The following ATXN1 variants were observed in gnomAD, a reference collection of about 807,000 sequenced individuals.
ATXN1 encodes the protein ataxin 1, also known as ataxin-1.
Under a neutral mutation model 56.4 loss-of-function variants are expected in ATXN1, and 8 were observed. That is an observed-to-expected ratio of 0.14 (90% CI 0.08 to 0.26). ATXN1 has a LOEUF of 0.26. Ranked by LOEUF, ATXN1 falls within the 10% of genes least tolerant of loss-of-function variation. ATXN1 has a pLI of 1.00. For synonymous variants in ATXN1, 514 were observed against 494.6 expected, an observed-to-expected ratio of 1.04 and a Z score of -0.52; for missense variants, 987 against 1,106.5, an observed-to-expected ratio of 0.89 and a Z score of 1.53.
At chr6:16,472,040 T>C (rs1286909591) in intron 6 of ATXN1, among the ~76,000 whole-genome samples, 3 of 152,194 alleles carry the variant, frequency 2.0e-5, no homozygotes, top group African/African-American at 7.2e-5. Flanking sequence ...TTTGATTGCA[T>C]ACCCATGTCC....
intron 6 of ATXN1, among the ~76,000 whole-genome samples, chr6:16,402,573 C>A (rs987216247): frequency 6.6e-6 from 1 of 152,180 alleles, no homozygotes; most frequent in Admixed American, 6.5e-5. Context: ...ATCTTTCCCA[C>A]TGCTTAGCAC....
chr6:16,408,477 C>A (rs1052540859), intron 6 of ATXN1, among the ~76,000 whole-genome samples: 4 of 150,624 alleles, frequency 2.7e-5, no homozygotes, highest in Admixed American at 6.6e-5. Flanking sequence ...AGTGAGAACC[C>A]TGGAAGAAGA....
At chr6:16,516,961 G>A (rs1263588523) in intron 5 of ATXN1, among the ~76,000 whole-genome samples, 1 of 152,216 alleles carries the variant, frequency 6.6e-6, no homozygotes, top group Admixed American at 6.5e-5. Context: ...CTCGCAAGCA[G>A]TAGCTGCTTA....
rs150565574 is a variant in ATXN1, at chr6:16,570,170, A to G, written c.-361+15610T>C. ...TACATTCACCTGCCCTGGACAATCC[A>G]CTAGGTTTGTTTGTCCTCAAACGAA... On this transcript the variant is annotated intron_variant, in intron 4 of 7. Coordinates refer to ENST00000436367, the MANE Select transcript of ATXN1 (RefSeq NM_001128164.2). Among the ~76,000 whole-genome samples, 358 of 152,294 alleles carry G rather than the reference A, an allele frequency of 2.4e-3. 4 individuals are homozygous for G. The highest frequency in any genetic ancestry group is 8.0e-3 in the African/African-American group (333 of 41,576).
intron 6 of ATXN1, among the ~76,000 whole-genome samples, chr6:16,404,337 G>A (rs72823512): frequency 8.9e-4 from 135 of 152,306 alleles, no homozygotes; most frequent in Non-Finnish European, 1.5e-3. Context: ...AGCCTTGTTT[G>A]AACTGAGCAT....
intron 3 of ATXN1, among the ~76,000 whole-genome samples, chr6:16,596,461 C>T (rs1297044838): frequency 6.6e-6 from 1 of 152,148 alleles, no homozygotes; most frequent in African/African-American, 2.4e-5. Flanking sequence ...TGAAGGAGCC[C>T]TTTGTAATGC....
At chr6:16,497,600 A>G (rs910249422) in intron 5 of ATXN1, among the ~76,000 whole-genome samples, 2 of 152,136 alleles carry the variant, frequency 1.3e-5, no homozygotes, top group Admixed American at 1.3e-4. Context: ...CTGCTGGGAA[A>G]CGCCGTGCAA....
chr6:16,575,885 A>T (rs761181081), intron 4 of ATXN1, among the ~76,000 whole-genome samples: 3 of 152,182 alleles, frequency 2.0e-5, no homozygotes, highest in Non-Finnish European at 4.4e-5. Flanking sequence ...CTTCTATTGT[A>T]CTGCTTGCTC....
chr6:16,661,023 G>A (rs1037036022), intron 2 of ATXN1, among the ~76,000 whole-genome samples: 3 of 151,656 alleles, frequency 2.0e-5, no homozygotes, highest in Non-Finnish European at 2.9e-5. Context: ...ATTTTTAGTG[G>A]AGACGGGATT....
At position 16,354,495 on chromosome 6, in the gene ATXN1, G is replaced by A. The variant is rs192534291; in HGVS notation, c.-160-26025C>T. On this transcript the variant is annotated intron_variant, in intron 6 of 7. Transcript: ENST00000436367. Reference sequence around the variant, plus strand: ...GATGGTCTCAATCTCCTGACCTCCTGATCTACCTGCCTCAGCCTCCCAAAG... The same window carrying A: ...GATGGTCTCAATCTCCTGACCTCCTAATCTACCTGCCTCAGCCTCCCAAAG... Among the ~76,000 whole-genome samples, 12 of 152,154 alleles carry A rather than the reference G, an allele frequency of 7.9e-5. No homozygotes were observed. The East Asian group carries it at 2.3e-3, about 29-fold the overall frequency.
intron 6 of ATXN1, among the ~76,000 whole-genome samples, chr6:16,445,190 T>C (rs959954125): frequency 6.6e-6 from 1 of 152,042 alleles, no homozygotes; most frequent in Non-Finnish European, 1.5e-5. Flanking sequence ...AAAATATGAA[T>C]ACTGACGGGA....
intron 6 of ATXN1, among the ~76,000 whole-genome samples, chr6:16,357,172 G>C (rs1374487277): frequency 1.3e-5 from 2 of 152,026 alleles, no homozygotes; most frequent in Non-Finnish European, 2.9e-5. Context: ...CAGGCCTAGA[G>C]ACAAATATGC....
At chr6:16,731,382 G>A (rs1444697278) in intron 2 of ATXN1, among the ~76,000 whole-genome samples, 1 of 146,346 alleles carries the variant, frequency 6.8e-6, no homozygotes, top group Non-Finnish European at 1.5e-5. Context: ...GAGGGCATCA[G>A]AGTCGTCATA....
intron 6 of ATXN1, among the ~76,000 whole-genome samples, chr6:16,338,096 AC>A (rs1470458382): frequency 6.6e-6 from 1 of 152,234 alleles, no homozygotes; most frequent in Non-Finnish European, 1.5e-5. Flanking sequence ...TGCTATTACT[AC>A]TAAGGACACA....
chr6:16,673,419 G>A lies in ATXN1; in HGVS notation c.-614-15518C>T, dbSNP rs139154350. Among the ~76,000 whole-genome samples, 3 of 152,130 alleles carry A rather than the reference G, an allele frequency of 2.0e-5. No individual in the cohort carries two copies. In the East Asian group the frequency reaches 5.8e-4, roughly 29 times the overall value. On this transcript the variant is annotated intron_variant, in intron 2 of 7. Transcript: ENST00000436367. Reference sequence around the variant, plus strand: ...TGCAATGCTGCTACCTCTTTTCTCCGTTTCCTTCCTTATCCTGCTCTTCCC... The same window carrying A: ...TGCAATGCTGCTACCTCTTTTCTCCATTTCCTTCCTTATCCTGCTCTTCCC...
intron 2 of ATXN1, among the ~76,000 whole-genome samples, chr6:16,718,604 C>T (rs1457840361): frequency 2.6e-5 from 4 of 152,192 alleles, no homozygotes; most frequent in Non-Finnish European, 5.9e-5. Context: ...TTACACCATC[C>T]AACTAGGAAT....
intron 1 of ATXN1, among the ~76,000 whole-genome samples, chr6:16,756,909 G>A (rs1398538620): frequency 6.6e-6 from 1 of 152,134 alleles, no homozygotes; most frequent in Non-Finnish European, 1.5e-5. Context: ...GTCACTCAAG[G>A]TATGTGCAAA....
At chr6:16,562,291 T>C (rs896668722) in intron 4 of ATXN1, among the ~76,000 whole-genome samples, 1 of 149,996 alleles carries the variant, frequency 6.7e-6, no homozygotes, top group Non-Finnish European at 1.5e-5. Flanking sequence ...GAAGATCACT[T>C]GAGCCCGGGA....
At chr6:16,598,562 C>T (rs7748065) in intron 3 of ATXN1, among the ~76,000 whole-genome samples, 1 of 152,144 alleles carries the variant, frequency 6.6e-6, no homozygotes, top group Non-Finnish European at 1.5e-5. Context: ...AAGGTTGTTA[C>T]GTATATAAAA....
Sources: gnomAD v4.1 joint callset for allele counts (sites outside exome capture counted in the v4.1 genomes callset) on GRCh38, gnomAD v4.1.1 for gene constraint, MANE v1.5 for transcripts, NCBI Gene and HGNC (gene_info 2026-07-23, HGNC 2026-07-21) for gene names.